The following DIP2A variants were observed in gnomAD, a reference collection of about 807,000 sequenced individuals.
DIP2A encodes DIP2 acetate--CoA ligase A.
In DIP2A, 85 loss-of-function variants were observed where a neutral mutation model predicts 177.4. The ratio of observed to expected loss-of-function variants is 0.48; its 90% CI spans 0.40 to 0.57. DIP2A has a LOEUF of 0.57. Among genes scored for constraint, DIP2A ranks in the 20% least tolerant of loss-of-function variants. The probability of loss-of-function intolerance (pLI) is 0.00; values close to 1 mark genes in which losing one functional copy is unlikely to be tolerated. For missense variants in DIP2A, 1,791 were observed against 2,100.2 expected (o/e 0.85, Z 2.88); for synonymous variants, 886 against 881.8 (o/e 1.00, Z -0.08).
At chr21:46,550,887 A>C (rs945212448) in intron 23 of DIP2A, 143 bp downstream of exon 23, 2 of 851,362 alleles carry the variant, frequency 2.3e-6, no homozygotes, top group African/African-American at 1.7e-5. Flanking sequence ...GCGAGTGTGC[A>C]CCCCAGAATG....
chr21:46,519,222 C>A (rs1002368006), intron 8 of DIP2A, among the ~76,000 whole-genome samples: 1 of 152,110 alleles, frequency 6.6e-6, no homozygotes, highest in South Asian at 2.1e-4. Context: ...TCTTCATTTG[C>A]GGGGACTTGG....
intron 25 of DIP2A, among the ~76,000 whole-genome samples, chr21:46,552,283 T>C (rs2060302965): frequency 6.6e-6 from 1 of 152,346 alleles, no homozygotes; most frequent in South Asian, 2.1e-4. Context: ...TGTAAAAAAT[T>C]AGCCATTTAG....
intron 8 of DIP2A, among the ~76,000 whole-genome samples, chr21:46,521,395 G>A (rs1030835663): frequency 6.6e-6 from 1 of 152,130 alleles, no homozygotes; most frequent in Admixed American, 6.5e-5. Flanking sequence ...CACCATGTTG[G>A]CCAGGCTTAT....
In DIP2A at chr21:46,490,661, T is replaced by G. The variant is rs765041318; in HGVS notation, c.225T>G (p.Ala75=). 1.9e-6 allele frequency: 3 copies of G among 1,590,514 alleles called. No individual in the cohort carries two copies. The highest frequency in any genetic ancestry group is 2.6e-6 in the Non-Finnish European group (3 of 1,168,382). Residue 75 remains alanine, a synonymous_variant, in exon 3 of 38, where the codon GCT becomes GCG. Transcript: ENST00000417564. ...RIPGPSQTTA[A]APKQQKSRPT... ...CTGGGCCCTCACAAACCACGGCCGC[T>G]GCACCCAAGCAGCAGAAGTCTCGGC...
chr21:46,518,605 C>A (rs1266323427), intron 8 of DIP2A, among the ~76,000 whole-genome samples: 4 of 152,128 alleles, frequency 2.6e-5, no homozygotes, highest in African/African-American at 9.7e-5. Flanking sequence ...ATCTATACTC[C>A]CAGCACTTTG....
intron 33 of DIP2A, 200 bp downstream of exon 33, chr21:46,560,983 C>G (rs2148906982): frequency 1.0e-6 from 1 of 985,470 alleles, no homozygotes; most frequent in Non-Finnish European, 1.2e-6. Context: ...AAGAGGAGAG[C>G]TGTGTGCCCC....
At chr21:46,465,157 C>G (rs1003782761) in intron 1 of DIP2A, among the ~76,000 whole-genome samples, 7 of 152,100 alleles carry the variant, frequency 4.6e-5, no homozygotes, top group Non-Finnish European at 8.8e-5. Flanking sequence ...CTCAGAACTT[C>G]CATATCATTT....
At chr21:46,507,227 T>A (rs905846156) in intron 6 of DIP2A, among the ~76,000 whole-genome samples, 2 of 152,214 alleles carry the variant, frequency 1.3e-5, no homozygotes, top group Non-Finnish European at 2.9e-5. Context: ...TTTATGACAT[T>A]CAGTTTACCA....
At chr21:46,579,308 C>T in the DIP2A span, among the ~76,000 whole-genome samples, 2 of 152,128 alleles carry the variant, frequency 1.3e-5, no homozygotes, top group South Asian at 2.1e-4. Context: ...GTGATATTCT[C>T]TTTATCATTT....
intron 8 of DIP2A, among the ~76,000 whole-genome samples, chr21:46,528,276 T>C (rs769625887): frequency 6.6e-6 from 1 of 152,166 alleles, no homozygotes; most frequent in African/African-American, 2.4e-5. Context: ...AACAAAGATA[T>C]GACCCATTTC....
At chr21:46,535,672 G>A (rs143736681) in intron 13 of DIP2A, among the ~76,000 whole-genome samples, 1 of 152,332 alleles carries the variant, frequency 6.6e-6, no homozygotes, top group Non-Finnish European at 1.5e-5. Context: ...TTTGGAAAGT[G>A]ATTTTAGGTA....
rs1362663287 is a variant in DIP2A, at chr21:46,498,575, A to G, written c.404-7A>G. 4.4e-6 allele frequency: 7 copies of G among 1,599,750 alleles called. No homozygotes were observed. Among genetic ancestry groups the G allele is most frequent in the Non-Finnish European group, 6.0e-6 (7 of 1,171,196 alleles). ...TATCATGCCTGTCATCGTTATTTTAACCACAGACACGTCGTCTGCCTCAGA... is the reference window on the plus strand; with the variant it reads ...TATCATGCCTGTCATCGTTATTTTAGCCACAGACACGTCGTCTGCCTCAGA... On this transcript the variant is annotated splice_polypyrimidine_tract_variant and splice_region_variant and intron_variant, in intron 4 of 37. Transcript: ENST00000417564. The surrounding 1 kb of genome is among the most constrained non-coding windows in gnomAD (Gnocchi z 4.3).
rs561488078 is a variant in DIP2A at position 46,497,122 on chromosome 21, T to C, written c.403+15T>C. The C allele has an allele frequency of 6.6e-7, 1 of 1,523,398 alleles. No individual in the cohort carries two copies. The highest frequency in any genetic ancestry group is 1.1e-5 in the South Asian group (1 of 87,500). The allele number at this position is 1,523,398 out of a possible 1,614,324, so 94.4% of individuals were successfully genotyped here. A position where few individuals can be genotyped will look rare whatever the true frequency, so the allele number is the denominator to read the frequency against. On this transcript the variant is annotated intron_variant, in intron 4 of 37. Transcript: ENST00000417564. ...CACCCCTCCAGGTATTGATAAACAA[T>C]GTCAAGTGTGGCTTTTTTTTGAGTG...
chr21:46,470,554 C>T (rs529243579), intron 1 of DIP2A, among the ~76,000 whole-genome samples: 9 of 151,554 alleles, frequency 5.9e-5, no homozygotes, highest in South Asian at 4.2e-4. Context: ...GGGCGGATCA[C>T]GAAGTCAGGA....
At chr21:46,464,817 C>CTCTTTTTTTTTTTT (rs2054651863) in intron 1 of DIP2A, among the ~76,000 whole-genome samples, 1 of 73,442 alleles carries the variant, frequency 1.4e-5, no homozygotes, top group African/African-American at 6.1e-5. Context: ...ATATTCATGT[C>CTCTTTTTTTTTTTT]TTTTTTTTTT....
chr21:46,517,172 C>T (rs978307572), intron 8 of DIP2A, among the ~76,000 whole-genome samples: 7 of 151,176 alleles, frequency 4.6e-5, no homozygotes, highest in African/African-American at 1.7e-4. Context: ...AGAGGTCCTC[C>T]CACCACAGCC....
intron 1 of DIP2A, among the ~76,000 whole-genome samples, chr21:46,479,721 CAG>C (rs911003700): frequency 2.6e-5 from 4 of 152,050 alleles, no homozygotes; most frequent in African/African-American, 9.7e-5. Flanking sequence ...TTTGTAGAGA[CAG>C]GGTCTCTTTA....
At chr21:46,490,834 T>G (rs1483820081) in intron 3 of DIP2A, 115 bp downstream of exon 3, 6 of 1,308,292 alleles carry the variant, frequency 4.6e-6, no homozygotes, top group Non-Finnish European at 6.1e-6. Flanking sequence ...AAGAAATTAT[T>G]TTCACATAAG....
In DIP2A at chr21:46,546,990, G is replaced by A. The variant is rs371626954; in HGVS notation, c.2470G>A (p.Val824Ile). The A allele has an allele frequency of 6.7e-5, 108 of 1,613,850 alleles. No homozygotes were observed. Among genetic ancestry groups the A allele is most frequent in the African/African-American group, 1.1e-4 (8 of 74,934 alleles). The change falls in exon 21 of 38, where the codon GTT (valine) becomes ATT (isoleucine). Residue 824 changes from valine to isoleucine, a missense_variant. By Grantham distance (29) the Val-to-Ile change is conservative. Coordinates refer to ENST00000417564, the MANE Select transcript of DIP2A (RefSeq NM_015151.4). ...TGVRRHNADD[V>I]VATALAVEPM... ...AGTTCGCAGACACAATGCAGATGACGTTGTGGCCACCGCACTGGCCGTGGA... is the reference window on the plus strand; with the variant it reads ...AGTTCGCAGACACAATGCAGATGACATTGTGGCCACCGCACTGGCCGTGGA...
Sources: gnomAD v4.1 joint callset for allele counts (sites outside exome capture counted in the v4.1 genomes callset) on GRCh38, gnomAD v4.1.1 for gene constraint, Gnocchi (gnomAD v3.1) non-coding constraint, MANE v1.5 for transcripts, NCBI Gene and HGNC (gene_info 2026-07-23, HGNC 2026-07-21) for gene names.